Variants in MAST4 observed in about 807,000 individuals in gnomAD.
MAST4 encodes microtubule associated serine/threonine kinase family member 4.
Under a neutral mutation model 162.7 loss-of-function variants are expected in MAST4, and 89 were observed. That is an observed-to-expected ratio of 0.55 (90% CI 0.46 to 0.65). MAST4 has a LOEUF of 0.65. MAST4 is among the 30% of genes least tolerant of loss of function. MAST4 has a pLI of 0.00. For synonymous variants in MAST4, 1,479 were observed against 1,361.1 expected (o/e 1.09, Z -1.91); for missense variants, 3,153 against 3,374.0 (o/e 0.93, Z 1.62).
In MAST4 at chr5:67,100,572, C is replaced by A; in HGVS notation, c.1050C>A (p.Arg350=). 6.2e-7 allele frequency: 1 copy of A among 1,613,854 alleles called. No individual in the cohort carries two copies. Residue 350 remains arginine, a synonymous_variant, in exon 8 of 29, where the codon CGC becomes CGA. Transcript: ENST00000403625. ...TENRCRNTPM[R]PRSRSLSPGR... ...ACAGATGCAGGAACACGCCGATGCG[C>A]CCCCGTTCCCGAAGTCTGAGGTGTG... is the stretch of plus-strand genomic sequence containing the variant.
Position 66,915,832 on chromosome 5 carries a change from G to A in MAST4, c.674+15850G>A, listed in dbSNP as rs142198029. On this transcript the variant is annotated intron_variant, in intron 4 of 28. Transcript: ENST00000403625. ...CTTCCTGGCTCACCCCTTAGTGTCC[G>A]CCTGAGGTTTCCAGAGTTAATGGAA... Among the ~76,000 whole-genome samples, 325 of 152,286 alleles carry A rather than the reference G, an allele frequency of 2.1e-3. 2 individuals carry two copies. Among genetic ancestry groups the A allele is most frequent in the African/African-American group, 7.2e-3 (301 of 41,548 alleles).
intron 4 of MAST4, among the ~76,000 whole-genome samples, chr5:66,992,965 C>G (rs1199486458): frequency 1.3e-5 from 2 of 152,184 alleles, no homozygotes; most frequent in African/African-American, 4.8e-5. Context: ...GATTGAGTTA[C>G]TACCTTGGAA....
At chr5:66,602,188 G>A (rs1742598896) in intron 1 of MAST4, among the ~76,000 whole-genome samples, 1 of 152,104 alleles carries the variant, frequency 6.6e-6, no homozygotes, top group African/African-American at 2.4e-5. Flanking sequence ...AGTGAGGAGA[G>A]GGTCTTGTGA....
chr5:66,776,540 A>G (rs1442843396), intron 2 of MAST4, among the ~76,000 whole-genome samples: 1 of 152,220 alleles, frequency 6.6e-6, no homozygotes, highest in Admixed American at 6.5e-5. Context: ...TATCAAGTTT[A>G]AGGCCTCTGA....
At chr5:66,927,726 C>G (rs1355390177) in intron 4 of MAST4, among the ~76,000 whole-genome samples, 1 of 152,190 alleles carries the variant, frequency 6.6e-6, no homozygotes, top group African/African-American at 2.4e-5. Flanking sequence ...CGCCATCTGC[C>G]TCATGTATCA....
At chr5:66,600,115 C>G (rs916886304) in intron 1 of MAST4, among the ~76,000 whole-genome samples, 1 of 152,188 alleles carries the variant, frequency 6.6e-6, no homozygotes, top group Non-Finnish European at 1.5e-5. Flanking sequence ...ATTGTATAAA[C>G]TTCCAAAGTC....
intron 4 of MAST4, among the ~76,000 whole-genome samples, chr5:67,010,894 G>C (rs1209028339): frequency 6.6e-6 from 1 of 152,094 alleles, no homozygotes; most frequent in African/African-American, 2.4e-5. Flanking sequence ...GGAGAACAGG[G>C]GTGGTGGCCA....
chr5:67,105,407 C>T (rs2150876504), intron 10 of MAST4, among the ~76,000 whole-genome samples: 1 of 152,270 alleles, frequency 6.6e-6, no homozygotes, highest in Middle Eastern at 3.4e-3. Flanking sequence ...TCTATCTATC[C>T]TTGCCCCTGC....
At chr5:66,807,353 G>T (rs1005502599) in intron 3 of MAST4, among the ~76,000 whole-genome samples, 1 of 152,156 alleles carries the variant, frequency 6.6e-6, no homozygotes, top group East Asian at 1.9e-4. Context: ...AAAATTAGCC[G>T]GGCGCGGTGG....
At chr5:66,811,352 T>C (rs1457344497) in intron 3 of MAST4, among the ~76,000 whole-genome samples, 3 of 152,198 alleles carry the variant, frequency 2.0e-5, no homozygotes, top group Non-Finnish European at 2.9e-5. Context: ...ACACCATTTT[T>C]GGGTAGGAGG....
intron 1 of MAST4, among the ~76,000 whole-genome samples, chr5:66,620,047 C>CTT (rs200969306): frequency 7.5e-4 from 100 of 133,850 alleles, no homozygotes; most frequent in South Asian, 7.1e-3. Flanking sequence ...ACTTAGGTTG[C>CTT]TTTTTTTTTT....
intron 3 of MAST4, among the ~76,000 whole-genome samples, chr5:66,809,574 C>T (rs1311172137): frequency 6.6e-6 from 1 of 152,150 alleles, no homozygotes; most frequent in African/African-American, 2.4e-5. Context: ...ATTCCATTGA[C>T]ATTTTTATAA....
chr5:67,115,480 G>A (rs1766788925), intron 12 of MAST4, among the ~76,000 whole-genome samples: 2 of 152,170 alleles, frequency 1.3e-5, no homozygotes, highest in African/African-American at 4.8e-5. Context: ...AATGATGCAT[G>A]CATTACTGTG....
chr5:67,146,545 C>T (rs1263388350), intron 23 of MAST4, among the ~76,000 whole-genome samples: 2 of 152,112 alleles, frequency 1.3e-5, no homozygotes, highest in Non-Finnish European at 2.9e-5. Flanking sequence ...ATGAATGATT[C>T]CAAGATTTTT....
At chr5:66,741,622 G>C (rs905647094) in intron 1 of MAST4, among the ~76,000 whole-genome samples, 2 of 152,192 alleles carry the variant, frequency 1.3e-5, no homozygotes, top group Non-Finnish European at 2.9e-5. Flanking sequence ...TGTACCTTTA[G>C]TGGATATAGT....
chr5:66,603,477 T>C (rs6898021), intron 1 of MAST4, among the ~76,000 whole-genome samples: 3,362 of 152,176 alleles, frequency 0.022, 117 homozygotes, highest in African/African-American at 0.076. Context: ...ATTTGGGGGA[T>C]GAGAAAGGAG....
At chr5:66,690,619 G>A (rs562281877) in intron 1 of MAST4, among the ~76,000 whole-genome samples, 2 of 152,234 alleles carry the variant, frequency 1.3e-5, no homozygotes, top group South Asian at 4.1e-4. Context: ...AGCAATTTTA[G>A]CCTTTCTTCA....
intron 5 of MAST4, among the ~76,000 whole-genome samples, chr5:67,056,229 A>G (rs983653313): frequency 2.0e-5 from 3 of 152,252 alleles, no homozygotes; most frequent in South Asian, 2.1e-4. Context: ...TTCCAAGGCT[A>G]CGTAATGAGG....
chr5:66,817,700 A>G (rs1235799845), intron 3 of MAST4, among the ~76,000 whole-genome samples: 1 of 152,168 alleles, frequency 6.6e-6, no homozygotes, highest in Non-Finnish European at 1.5e-5. Flanking sequence ...TGATAATGGG[A>G]GGCATAATTG....
Sources: gnomAD v4.1 joint callset for allele counts (sites outside exome capture counted in the v4.1 genomes callset) on GRCh38, gnomAD v4.1.1 for gene constraint, MANE v1.5 for transcripts, NCBI Gene and HGNC (gene_info 2026-07-23, HGNC 2026-07-21) for gene names.